Variants in TRPC4AP observed in about 807,000 individuals in gnomAD.
TRPC4AP encodes transient receptor potential cation channel subfamily C member 4 associated protein.
A neutral mutation model predicts 99.0 loss-of-function variants in TRPC4AP; 45 were observed. The observed-to-expected ratio is 0.45, with a 90% CI of 0.36 to 0.58. TRPC4AP has a LOEUF of 0.58. Among genes scored for constraint, TRPC4AP ranks in the 20% least tolerant of loss-of-function variants. TRPC4AP has a pLI of 0.00. For missense variants in TRPC4AP, 879 were observed against 985.3 expected, an observed-to-expected ratio of 0.89 and a Z score of 1.44; for synonymous variants, 408 against 385.8, an observed-to-expected ratio of 1.06 and a Z score of -0.67.
At chr20:35,047,405 T>C (rs1197977632) in intron 6 of TRPC4AP, among the ~76,000 whole-genome samples, 1 of 152,252 alleles carries the variant, frequency 6.6e-6, no homozygotes, top group African/African-American at 2.4e-5. Context: ...TACCACTCGA[T>C]TATTTCAATT....
chr20:35,065,719 C>G (rs1409669164), intron 3 of TRPC4AP, among the ~76,000 whole-genome samples: 3 of 152,070 alleles, frequency 2.0e-5, no homozygotes, highest in Non-Finnish European at 4.4e-5. Context: ...AAGAAAAACC[C>G]CCACAAAATC....
At chr20:35,053,840 A>T (rs1288272542) in intron 5 of TRPC4AP, among the ~76,000 whole-genome samples, 1 of 152,142 alleles carries the variant, frequency 6.6e-6, no homozygotes, top group Admixed American at 6.5e-5. Flanking sequence ...TTTTTTCTTT[A>T]AAAAAATGTG....
intron 8 of TRPC4AP, among the ~76,000 whole-genome samples, chr20:35,032,272 G>C (rs370365926): frequency 1.3e-5 from 2 of 151,518 alleles, no homozygotes; most frequent in African/African-American, 4.8e-5. Flanking sequence ...TGCTCTGCCC[G>C]CCTCAGCCTC....
intron 4 of TRPC4AP, among the ~76,000 whole-genome samples, chr20:35,056,039 T>C (rs1387525099): frequency 6.6e-6 from 1 of 152,200 alleles, no homozygotes; most frequent in Non-Finnish European, 1.5e-5. Context: ...AATGCTAAAA[T>C]GCTAGGTCTC....
At chr20:35,077,908 A>T in intron 2 of TRPC4AP, 138 bp downstream of exon 2, 1 of 962,204 alleles carries the variant, frequency 1.0e-6, no homozygotes, top group Non-Finnish European at 1.5e-6. Context: ...ACTTTTTCTG[A>T]ATTTCTCAAA....
chr20:35,078,435 G>A (rs183874728), intron 1 of TRPC4AP, among the ~76,000 whole-genome samples: 9 of 152,212 alleles, frequency 5.9e-5, no homozygotes, highest in East Asian at 1.9e-4. Flanking sequence ...ACTTAGACTC[G>A]TCGTAAATAT....
intron 7 of TRPC4AP, among the ~76,000 whole-genome samples, chr20:35,040,944 G>A (rs1208507656): frequency 6.6e-6 from 1 of 150,686 alleles, no homozygotes; most frequent in Non-Finnish European, 1.5e-5. Context: ...CCTAAACCGA[G>A]AGGACTGGTG....
At chr20:35,072,174 G>C (rs1297472854) in intron 2 of TRPC4AP, among the ~76,000 whole-genome samples, 1 of 152,306 alleles carries the variant, frequency 6.6e-6, no homozygotes, top group East Asian at 1.9e-4. Context: ...GTAGATTCTG[G>C]ATATTAGCCC....
At chr20:35,079,432 A>G (rs2146019842) in intron 1 of TRPC4AP, among the ~76,000 whole-genome samples, 1 of 152,346 alleles carries the variant, frequency 6.6e-6, no homozygotes, top group East Asian at 1.9e-4. Flanking sequence ...ATATAATAGA[A>G]AAGAAGAAAT....
chr20:35,011,895 G>A (rs888046808), intron 11 of TRPC4AP, among the ~76,000 whole-genome samples: 5 of 152,188 alleles, frequency 3.3e-5, no homozygotes, highest in East Asian at 1.9e-4. Context: ...CACAGACCCC[G>A]TTCCTCTCCT....
At chr20:35,069,785 A>G (rs1396323854) in intron 2 of TRPC4AP, among the ~76,000 whole-genome samples, 1 of 152,228 alleles carries the variant, frequency 6.6e-6, no homozygotes, top group African/African-American at 2.4e-5. Context: ...TACTAAAAGT[A>G]CAAAAATTAG....
Position 35,013,078 on chromosome 20 carries a change from G to A in TRPC4AP, c.1351-12C>T. 6.2e-7 allele frequency: 1 copy of A among 1,614,000 alleles called. No homozygotes were observed. The highest frequency in any genetic ancestry group is 1.7e-5 in the Admixed American group (1 of 60,020). ...TTCAAGGTGATGTCCTGAAACACAT[G>A]CACAGCCTCAATGTTAGGACCACAG... is the stretch of plus-strand genomic sequence containing the variant. On this transcript the variant is annotated splice_polypyrimidine_tract_variant and intron_variant, in intron 10 of 18. Coordinates refer to ENST00000252015, the MANE Select transcript of TRPC4AP (RefSeq NM_015638.3).
At chr20:35,051,134 T>A (rs1384820221) in intron 5 of TRPC4AP, among the ~76,000 whole-genome samples, 2 of 152,150 alleles carry the variant, frequency 1.3e-5, no homozygotes, top group Non-Finnish European at 2.9e-5. Context: ...TTTCTTTTTT[T>A]TAGCCTCTAA....
intron 1 of TRPC4AP, among the ~76,000 whole-genome samples, chr20:35,078,682 A>T (rs2084548505): frequency 6.6e-6 from 1 of 152,236 alleles, no homozygotes; most frequent in Non-Finnish European, 1.5e-5. Context: ...ATCAAAGGAA[A>T]GAGACTAAAA....
At chr20:35,028,581 A>T (rs1453248099) in intron 8 of TRPC4AP, among the ~76,000 whole-genome samples, 1 of 152,092 alleles carries the variant, frequency 6.6e-6, no homozygotes, top group Non-Finnish European at 1.5e-5. Flanking sequence ...CTTTTTTTTA[A>T]CAGCCTAGCA....
chr20:35,037,802 A>G (rs2083355130), intron 7 of TRPC4AP, among the ~76,000 whole-genome samples: 1 of 152,184 alleles, frequency 6.6e-6, no homozygotes, highest in Admixed American at 6.5e-5. Context: ...GTTTAGATAC[A>G]CAAATACTTA....
At chr20:35,029,634 T>C (rs1162457032) in intron 8 of TRPC4AP, among the ~76,000 whole-genome samples, 2 of 119,728 alleles carry the variant, frequency 1.7e-5, no homozygotes, top group African/African-American at 6.5e-5. Context: ...CTTTCTTTTT[T>C]TTTTTTTTTT....
intron 2 of TRPC4AP, among the ~76,000 whole-genome samples, chr20:35,074,330 CT>C (rs1322491302): frequency 6.6e-6 from 1 of 152,064 alleles, no homozygotes; most frequent in Non-Finnish European, 1.5e-5. Context: ...TGTGTTTGCT[CT>C]TGCTTTTCTA....
chr20:35,003,549 G>A lies in TRPC4AP; in HGVS notation c.2117C>T (p.Pro706Leu). ...CCGCTGCAGCAGCCGCAGGTACAGG[G>A]GCAGCCGCTCTTTCCGTCGGGCCAG... is the stretch of plus-strand genomic sequence containing the variant. ...LMLARRKERL[P>L]LYLRLLQRME... Residue 706 changes from proline (P) to leucine (L), a missense_variant, in exon 18 of 19, where the codon CCC becomes CTC. Around this residue, in one of 3 missense-constraint regions of TRPC4AP, gnomAD observed 224 missense variants for 264.7 expected, o/e 0.85. Coordinates refer to ENST00000252015, the MANE Select transcript of TRPC4AP (RefSeq NM_015638.3). 3 of 1,613,986 alleles carry A rather than the reference G, an allele frequency of 1.9e-6. No homozygotes were observed. Among genetic ancestry groups the A allele is most frequent in the South Asian group, 1.1e-5 (1 of 91,078 alleles).
Sources: gnomAD v4.1 joint callset for allele counts (sites outside exome capture counted in the v4.1 genomes callset) on GRCh38, gnomAD v4.1.1 for gene constraint, gnomAD v4.1.1 regional missense constraint, MANE v1.5 for transcripts, NCBI Gene and HGNC (gene_info 2026-07-23, HGNC 2026-07-21) for gene names.